FRK: variants seen among roughly 807,000 people sequenced by gnomAD.
The protein encoded by FRK is fyn related Src family tyrosine kinase.
In FRK, 51 loss-of-function variants were observed where a neutral mutation model predicts 56.4. The observed-to-expected ratio is 0.90, with a 90% CI of 0.72 to 1.14. The LOEUF is 1.14. Among genes scored for constraint, FRK ranks in the 50% most tolerant of loss-of-function variants. The pLI is 0.00. For synonymous variants in FRK, 245 were observed against 217.9 expected, an observed-to-expected ratio of 1.12 and a Z score of -1.10; for missense variants, 570 against 601.4, an observed-to-expected ratio of 0.95 and a Z score of 0.55.
At chr6:116,037,628 G>C (rs141899799) in intron 1 of FRK, among the ~76,000 whole-genome samples, 1 of 152,076 alleles carries the variant, frequency 6.6e-6, no homozygotes, top group South Asian at 2.1e-4. Flanking sequence ...CTGTCTACTC[G>C]TAAATCCCTT....
intron 1 of FRK, among the ~76,000 whole-genome samples, chr6:116,008,502 G>A (rs1332654695): frequency 3.3e-5 from 5 of 152,168 alleles, no homozygotes; most frequent in South Asian, 2.1e-4. Context: ...TTATAACATC[G>A]TCCTTCATAC....
In FRK at chr6:115,939,651, C is replaced by G. The variant is rs1029344494; in HGVS notation, c.*2763G>C. ...TCAGCAAAGTCTCAGGATACAAAAT[C>G]AATGTGCAAAAATCACACACATTCC... On this transcript the variant is annotated 3_prime_UTR_variant, in exon 8 of 8. Transcript: ENST00000606080. The G allele has an allele frequency of 5.9e-5, 9 of 152,204 alleles. No homozygotes were observed. The highest frequency in any genetic ancestry group is 2.4e-5 in the African/African-American group (1 of 41,418). The allele number at this position is 152,204 out of a possible 1,614,324, so 9.4% of individuals were successfully genotyped here. A position where few individuals can be genotyped will look rare whatever the true frequency, so the allele number is the denominator to read the frequency against.
chr6:115,968,752 A>ACTT lies in FRK; in HGVS notation c.467-14_467-13insAAG, dbSNP rs1773690736. 1.2e-6 allele frequency: 2 copies of ACTT among 1,606,818 alleles called. No individual in the cohort carries two copies. Among genetic ancestry groups the ACTT allele is most frequent in the Non-Finnish European group, 1.7e-6 (2 of 1,176,330 alleles). ...GCTCCATCTAAAACTGGAACCCAAA[A>ACTT]TAATTCCTGTTAATAAACTTCTTGC... On this transcript the variant is annotated splice_polypyrimidine_tract_variant and intron_variant, in intron 2 of 7. Transcript: ENST00000606080.
At chr6:115,957,492 A>G (rs1183849796) in intron 4 of FRK, among the ~76,000 whole-genome samples, 2 of 152,222 alleles carry the variant, frequency 1.3e-5, no homozygotes. Flanking sequence ...ACATCTTAGT[A>G]TTCACTATGA....
At chr6:115,997,659 A>G (rs1247501283) in intron 2 of FRK, among the ~76,000 whole-genome samples, 8 of 152,178 alleles carry the variant, frequency 5.3e-5, no homozygotes, top group Non-Finnish European at 1.0e-4. Flanking sequence ...ATTTCTGATT[A>G]GTCACCAGTT....
chr6:116,068,974 T>G, the FRK span, among the ~76,000 whole-genome samples: 393 of 152,296 alleles, frequency 2.6e-3, 12 homozygotes, highest in South Asian at 0.044. Context: ...ATTAGAGAAC[T>G]TGCTTTCCAA....
chr6:116,053,594 A>G (rs1442086473), intron 1 of FRK, among the ~76,000 whole-genome samples: 1 of 152,192 alleles, frequency 6.6e-6, no homozygotes, highest in Non-Finnish European at 1.5e-5. Context: ...TGAATCCAAT[A>G]GAACATTTTC....
intron 2 of FRK, among the ~76,000 whole-genome samples, chr6:115,979,053 CAA>C (rs111820717): frequency 2.1e-4 from 24 of 116,230 alleles, no homozygotes; most frequent in Non-Finnish European, 1.3e-4. Context: ...GACTCTGTCT[CAA>C]AAAAAAAAAA....
intron 1 of FRK, among the ~76,000 whole-genome samples, chr6:116,024,581 C>T (rs2114744594): frequency 6.6e-6 from 1 of 152,172 alleles, no homozygotes; most frequent in East Asian, 1.9e-4. Flanking sequence ...CATGTCCCTA[C>T]AAAGGACATG....
chr6:116,055,458 T>C (rs1777353405), intron 1 of FRK, among the ~76,000 whole-genome samples: 1 of 152,310 alleles, frequency 6.6e-6, no homozygotes, highest in South Asian at 2.1e-4. Context: ...GAAGAAAAAC[T>C]TTCTACAAAA....
intron 1 of FRK, among the ~76,000 whole-genome samples, chr6:116,008,202 T>C (rs1343009082): frequency 1.3e-5 from 2 of 152,200 alleles, no homozygotes; most frequent in Admixed American, 6.5e-5. Flanking sequence ...GCAGTTTTTA[T>C]AAATCAAATG....
At chr6:115,973,324 C>T (rs973508348) in intron 2 of FRK, among the ~76,000 whole-genome samples, 8 of 152,044 alleles carry the variant, frequency 5.3e-5, no homozygotes, top group South Asian at 4.1e-4. Flanking sequence ...AACCAAACAC[C>T]GCATGTTCTC....
upstream of FRK, among the ~76,000 whole-genome samples, chr6:116,062,462 G>GAAAAAAAAAAAAAAA (rs550646718): frequency 8.4e-6 from 1 of 119,222 alleles, no homozygotes. Flanking sequence ...ATCTAAAAAT[G>GAAAAAAAAAAAAAAA]AAAAAAAAAA....
chr6:115,997,504 A>T (rs1384401262), intron 2 of FRK, among the ~76,000 whole-genome samples: 2 of 151,684 alleles, frequency 1.3e-5, no homozygotes, highest in Non-Finnish European at 2.9e-5. Context: ...CACCTCTGAG[A>T]TTATTTCCCT....
At chr6:116,088,326 T>TAA in the FRK span, among the ~76,000 whole-genome samples, 2 of 151,764 alleles carry the variant, frequency 1.3e-5, no homozygotes, top group Non-Finnish European at 1.5e-5. Flanking sequence ...CAAATAGTAA[T>TAA]AAAAAAAACA....
At chr6:116,022,508 A>G (rs926957793) in intron 1 of FRK, among the ~76,000 whole-genome samples, 1 of 152,154 alleles carries the variant, frequency 6.6e-6, no homozygotes, top group African/African-American at 2.4e-5. Flanking sequence ...TTTGAAAATC[A>G]GTTGTAATTG....
intron 1 of FRK, among the ~76,000 whole-genome samples, chr6:116,057,229 T>G (rs1777433270): frequency 6.6e-6 from 1 of 152,182 alleles, no homozygotes. Flanking sequence ...TTTCCTTAAG[T>G]CAACTTACTG....
At chr6:115,957,513 T>C (rs1240544418) in intron 4 of FRK, among the ~76,000 whole-genome samples, 1 of 152,214 alleles carries the variant, frequency 6.6e-6, no homozygotes, top group Non-Finnish European at 1.5e-5. Flanking sequence ...ATAATGCAAA[T>C]ATGGTTTCCA....
chr6:115,968,439 C>T, intron 3 of FRK, 137 bp downstream of exon 3: 2 of 807,220 alleles, frequency 2.5e-6, no homozygotes, highest in East Asian at 5.1e-5. Context: ...AGCTCATAGG[C>T]CATGGTTTGC....
Sources: allele counts gnomAD v4.1 joint callset (sites outside exome capture counted in the v4.1 genomes callset), GRCh38; gene constraint gnomAD v4.1.1; transcripts MANE v1.5; gene names NCBI Gene and HGNC (gene_info 2026-07-23, HGNC 2026-07-21).